Variants in SEM1 observed in about 807,000 individuals in gnomAD.
SEM1 encodes SEM1 26S proteasome subunit.
In SEM1, 3 loss-of-function variants were observed where a neutral mutation model predicts 12.7. The observed-to-expected ratio is 0.24, with a 90% CI of 0.11 to 0.61. The LOEUF is 0.61. SEM1 is among the 20% of genes least tolerant of loss of function. The pLI is 0.88. For missense variants in SEM1, 59 were observed against 81.3 expected, an observed-to-expected ratio of 0.73 and a Z score of 1.06; for synonymous variants, 30 against 27.8, an observed-to-expected ratio of 1.08 and a Z score of -0.25.
At chr7:96,593,897 T>C (rs940475501) in intron 2 of SEM1, among the ~76,000 whole-genome samples, 3 of 151,926 alleles carry the variant, frequency 2.0e-5, no homozygotes, top group African/African-American at 7.3e-5. Context: ...ACTATGTAGA[T>C]AAAAAGTTGG....
intron 2 of SEM1, among the ~76,000 whole-genome samples, chr7:96,551,811 C>A (rs1376525883): frequency 6.6e-6 from 1 of 151,880 alleles, no homozygotes; most frequent in Non-Finnish European, 1.5e-5. Context: ...TCAACAAGGA[C>A]TGCTGGCAGC....
intron 2 of SEM1, among the ~76,000 whole-genome samples, chr7:96,526,416 G>A (rs1228224743): frequency 1.3e-5 from 2 of 151,888 alleles, no homozygotes; most frequent in African/African-American, 4.8e-5. Flanking sequence ...CCAACTACCA[G>A]TACAAGATTC....
chr7:96,671,978 A>G (rs1208487872), downstream of SEM1, among the ~76,000 whole-genome samples: 1 of 152,238 alleles, frequency 6.6e-6, no homozygotes, highest in Admixed American at 6.5e-5. Flanking sequence ...TAGGTTTTAG[A>G]AAACCAAATA....
chr7:96,598,102 G>A (rs930621848), intron 2 of SEM1, among the ~76,000 whole-genome samples: 2 of 151,930 alleles, frequency 1.3e-5, no homozygotes, highest in African/African-American at 4.8e-5. Flanking sequence ...TAAAGTCCTG[G>A]TCACTCTTAG....
chr7:96,509,356 C>T (rs759098466), intron 2 of SEM1, among the ~76,000 whole-genome samples: 9 of 151,918 alleles, frequency 5.9e-5, no homozygotes, highest in Non-Finnish European at 8.8e-5. Flanking sequence ...TTGCCAAGAT[C>T]CCCATTTACA....
rs939562571 is a variant in SEM1 at position 96,673,781 on chromosome 7, G to A, written c.249C>T (p.Cys83=). The A allele has an allele frequency of 7.8e-6, 6 of 765,172 alleles. No individual in the cohort carries two copies. The African/African-American group carries it at 8.5e-5, about 11-fold the overall frequency. 47.4% of individuals were successfully genotyped at this position (765,172 alleles called of 1,614,324 possible). ...TCTGTTAACAGCAGAGGAAAGCACT[G>A]CACATTCTTCCCTTTTGGTGGAGAA... The change falls in exon 3 of 3, where the codon TGC becomes TGT. Residue 83 remains cysteine (C), a synonymous_variant. Coordinates refer to the SEM1 transcript ENST00000413065.
intron 2 of SEM1, among the ~76,000 whole-genome samples, chr7:96,555,098 A>G (rs1182013144): frequency 6.7e-6 from 1 of 149,810 alleles, no homozygotes; most frequent in East Asian, 2.0e-4. Context: ...TTTCTTCTTT[A>G]TTAGTCTTGC....
intron 2 of SEM1, among the ~76,000 whole-genome samples, chr7:96,549,579 T>G (rs1034089523): frequency 6.6e-6 from 1 of 152,160 alleles, no homozygotes; most frequent in Non-Finnish European, 1.5e-5. Context: ...AAAAGCACCA[T>G]CTTACAAATC....
chr7:96,703,573 G>A (rs1790337876), intron 1 of SEM1, among the ~76,000 whole-genome samples: 1 of 151,492 alleles, frequency 6.6e-6, no homozygotes, highest in South Asian at 2.1e-4. Flanking sequence ...TTCATTATCT[G>A]TAACAGAAAA....
intron 1 of SEM1, among the ~76,000 whole-genome samples, chr7:96,700,746 T>C (rs1255280480): frequency 1.3e-5 from 2 of 152,194 alleles, no homozygotes; most frequent in Non-Finnish European, 2.9e-5. Context: ...ATAGAACCAA[T>C]GAAATAGCTA....
chr7:96,616,363 T>C (rs1395978843), intron 2 of SEM1, among the ~76,000 whole-genome samples: 1 of 152,238 alleles, frequency 6.6e-6, no homozygotes, highest in Non-Finnish European at 1.5e-5. Flanking sequence ...TCTGTTTATT[T>C]CCTCTGCCCA....
intron 2 of SEM1, among the ~76,000 whole-genome samples, chr7:96,578,642 T>C (rs1010996908): frequency 6.6e-6 from 1 of 152,130 alleles, no homozygotes; most frequent in Non-Finnish European, 1.5e-5. Context: ...AGACAAGACA[T>C]TGGTAAAGAT....
chr7:96,510,529 T>C (rs1442671067), intron 2 of SEM1, among the ~76,000 whole-genome samples: 1 of 152,154 alleles, frequency 6.6e-6, no homozygotes, highest in Non-Finnish European at 1.5e-5. Context: ...CTATCATATA[T>C]GTGGTTCATC....
intron 2 of SEM1, among the ~76,000 whole-genome samples, chr7:96,566,938 A>G (rs1211859106): frequency 6.6e-6 from 1 of 151,644 alleles, no homozygotes; most frequent in African/African-American, 2.4e-5. Context: ...AACAAGCCAC[A>G]TTACCATGAG....
exon 4 of SEM1, chr7:96,483,607 T>G: frequency 6.3e-6 from 3 of 473,832 alleles, no homozygotes; most frequent in Non-Finnish European, 1.2e-5. Flanking sequence ...GAAGTCACTG[T>G]CTGAAACATT....
chr7:96,616,042 C>A (rs969476997), intron 2 of SEM1, among the ~76,000 whole-genome samples: 1 of 151,614 alleles, frequency 6.6e-6, no homozygotes, highest in Non-Finnish European at 1.5e-5. Flanking sequence ...AATTTCTTTC[C>A]CATTGAGTAT....
intron 2 of SEM1, among the ~76,000 whole-genome samples, chr7:96,680,957 G>T (rs1227402399): frequency 6.6e-6 from 1 of 152,092 alleles, no homozygotes; most frequent in Non-Finnish European, 1.5e-5. Context: ...TCGTGTTGTA[G>T]AATAATCAAG....
At chr7:96,626,175 T>C (rs752711865) in intron 2 of SEM1, among the ~76,000 whole-genome samples, 10 of 152,150 alleles carry the variant, frequency 6.6e-5, no homozygotes, top group South Asian at 4.1e-4. Flanking sequence ...CAAACCCCCA[T>C]TGACCTTCTC....
intron 2 of SEM1, among the ~76,000 whole-genome samples, chr7:96,635,661 T>C (rs569246429): frequency 3.9e-5 from 6 of 152,250 alleles, no homozygotes; most frequent in African/African-American, 1.4e-4. Flanking sequence ...ACTACCTAGC[T>C]TGAAAAGAGC....
Sources: gnomAD v4.1 joint callset for allele counts (sites outside exome capture counted in the v4.1 genomes callset) on GRCh38, gnomAD v4.1.1 for gene constraint, MANE v1.5 for transcripts, NCBI Gene and HGNC (gene_info 2026-07-23, HGNC 2026-07-21) for gene names.